Variants in MAGI2 observed in about 807,000 individuals in gnomAD.
MAGI2 encodes the protein membrane-associated guanylate kinase, WW and PDZ domain-containing protein 2.
MAGI2 carries 35 observed loss-of-function variants against 133.3 expected under a neutral mutation model. That is an observed-to-expected ratio of 0.26 (90% confidence interval 0.20 to 0.35). The LOEUF (loss-of-function observed/expected upper bound fraction) is 0.35. Ranked by LOEUF, MAGI2 falls within the 10% of genes least tolerant of loss-of-function variation. MAGI2 has a pLI of 1.00. For missense variants in MAGI2, 1,636 were observed against 1,863.4 expected, an observed-to-expected ratio of 0.88 and a Z score of 2.25; for synonymous variants, 729 against 710.6, an observed-to-expected ratio of 1.03 and a Z score of -0.41.
chr7:78,842,382 T>C (rs1396619098), intron 2 of MAGI2, among the ~76,000 whole-genome samples: 1 of 151,988 alleles, frequency 6.6e-6, no homozygotes, highest in Non-Finnish European at 1.5e-5. Flanking sequence ...AGTTTCAATG[T>C]TCTAGTAATT....
At chr7:78,386,462 C>G (rs1795397685) in intron 6 of MAGI2, among the ~76,000 whole-genome samples, 1 of 152,024 alleles carries the variant, frequency 6.6e-6, no homozygotes, top group Non-Finnish European at 1.5e-5. Context: ...TTTCCTGATG[C>G]CTAAAACATC....
chr7:79,383,628 T>G (rs1843965241), intron 1 of MAGI2, among the ~76,000 whole-genome samples: 1 of 151,678 alleles, frequency 6.6e-6, no homozygotes, highest in South Asian at 2.1e-4. Flanking sequence ...TTTATTAATA[T>G]TAGAATCATA....
intron 12 of MAGI2, among the ~76,000 whole-genome samples, chr7:78,189,964 CT>C (rs1367786933): frequency 6.6e-6 from 1 of 152,208 alleles, no homozygotes; most frequent in Non-Finnish European, 1.5e-5. Context: ...CTTATACTGC[CT>C]TGCCTATCAC....
chr7:78,357,283 T>C (rs1467291974), intron 7 of MAGI2, among the ~76,000 whole-genome samples: 1 of 152,206 alleles, frequency 6.6e-6, no homozygotes, highest in African/African-American at 2.4e-5. Flanking sequence ...CATTAAGCAC[T>C]GTGGTGGTGA....
intron 2 of MAGI2, among the ~76,000 whole-genome samples, chr7:78,913,488 A>G (rs6970134): frequency 0.9 from 137,280 of 152,236 alleles, 61,922 homozygotes; most frequent in East Asian, 1. Flanking sequence ...ACAGCCTGCA[A>G]AACTGTGAGC....
intron 1 of MAGI2, among the ~76,000 whole-genome samples, chr7:79,162,784 A>G (rs915133859): frequency 2.0e-5 from 3 of 152,114 alleles, no homozygotes; most frequent in Non-Finnish European, 4.4e-5. Context: ...TATGTTTTCT[A>G]TAGCTAATTG....
chr7:78,823,617 T>C (rs1225297274), intron 2 of MAGI2, among the ~76,000 whole-genome samples: 1 of 150,614 alleles, frequency 6.6e-6, no homozygotes, highest in Non-Finnish European at 1.5e-5. Context: ...TACGACACTG[T>C]CTATTTCAGC....
At chr7:79,346,216 C>T (rs1291075855) in intron 1 of MAGI2, among the ~76,000 whole-genome samples, 1 of 151,984 alleles carries the variant, frequency 6.6e-6, no homozygotes, top group Non-Finnish European at 1.5e-5. Flanking sequence ...CTTCCTTCAG[C>T]TCACTTCCTA....
chr7:78,296,404 G>C (rs1308449311), intron 9 of MAGI2, among the ~76,000 whole-genome samples: 1 of 151,992 alleles, frequency 6.6e-6, no homozygotes, highest in African/African-American at 2.4e-5. Flanking sequence ...ACACCTTTTA[G>C]GTCTCTGATC....
At chr7:78,776,382 A>G (rs537523845) in intron 2 of MAGI2, among the ~76,000 whole-genome samples, 2 of 152,354 alleles carry the variant, frequency 1.3e-5, no homozygotes, top group African/African-American at 4.8e-5. Context: ...CATAAACTAC[A>G]TGTATTTCTT....
rs533955655 is a variant in MAGI2, at chr7:78,362,075, G to A, written c.1103+7081C>T. 9.9e-5 allele frequency among the ~76,000 whole-genome samples: 15 copies of A among 152,246 alleles called. No individual in the cohort carries two copies. The South Asian group carries it at 1.0e-3, about 11-fold the overall frequency. ...CCAGCACTTTGGGAGGCTGAGGCGG[G>A]TGGATCACTTGAGGTCAGGAGTTTG... On this transcript the variant is annotated intron_variant, in intron 7 of 21. Coordinates refer to ENST00000354212, the MANE Select transcript of MAGI2 (RefSeq NM_012301.4).
chr7:78,020,290 A>G (rs1460162777), intron 21 of MAGI2, among the ~76,000 whole-genome samples: 2 of 152,164 alleles, frequency 1.3e-5, no homozygotes, highest in African/African-American at 4.8e-5. Context: ...CGGGCCTGAT[A>G]GTCCTGTATA....
intron 2 of MAGI2, among the ~76,000 whole-genome samples, chr7:78,773,308 A>G (rs1825732793): frequency 6.6e-6 from 1 of 152,086 alleles, no homozygotes; most frequent in African/African-American, 2.4e-5. Context: ...ATTAAAACTT[A>G]CCAAAGACAG....
At chr7:78,901,672 C>CT (rs35417082) in intron 2 of MAGI2, among the ~76,000 whole-genome samples, 3,296 of 149,556 alleles carry the variant, frequency 0.022, 116 homozygotes, top group African/African-American at 0.075. Context: ...ATGAAATATA[C>CT]TTTTTTTTTT....
chr7:79,277,467 A>G (rs1835318663), intron 1 of MAGI2, among the ~76,000 whole-genome samples: 1 of 152,116 alleles, frequency 6.6e-6, no homozygotes, highest in Admixed American at 6.6e-5. Flanking sequence ...GGTGGTCTGG[A>G]CCCAACTCTG....
intron 1 of MAGI2, among the ~76,000 whole-genome samples, chr7:79,200,246 G>A (rs1828470878): frequency 6.6e-6 from 1 of 151,920 alleles, no homozygotes; most frequent in Non-Finnish European, 1.5e-5. Flanking sequence ...ATTTTGAAAA[G>A]TTTTAGGCCA....
At chr7:79,141,438 T>C (rs184248939) in intron 1 of MAGI2, among the ~76,000 whole-genome samples, 132 of 152,312 alleles carry the variant, frequency 8.7e-4, no homozygotes, top group Non-Finnish European at 1.5e-5. Context: ...CATACATGTA[T>C]TAATGTAACA....
intron 2 of MAGI2, among the ~76,000 whole-genome samples, chr7:78,673,704 AG>A (rs903872782): frequency 6.9e-6 from 1 of 143,970 alleles, no homozygotes; most frequent in Non-Finnish European, 1.5e-5. Context: ...GGCGGCGGGG[AG>A]GGGGGCAGGC....
At chr7:79,109,244 G>A (rs1188067265) in intron 1 of MAGI2, among the ~76,000 whole-genome samples, 1 of 152,182 alleles carries the variant, frequency 6.6e-6, no homozygotes, top group Non-Finnish European at 1.5e-5. Context: ...GGAAGATGAG[G>A]GAAGCCTTGA....
Sources: allele counts gnomAD v4.1 joint callset (sites outside exome capture counted in the v4.1 genomes callset), GRCh38; gene constraint gnomAD v4.1.1; transcripts MANE v1.5; gene names NCBI Gene and HGNC (gene_info 2026-07-23, HGNC 2026-07-21).